The following FBXO30 variants were observed in gnomAD, a reference collection of about 807,000 sequenced individuals.
FBXO30 encodes the protein F-box protein 30.
FBXO30 carries 21 observed loss-of-function variants against 58.1 expected under a neutral mutation model. The ratio of observed to expected loss-of-function variants is 0.36; its 90% CI spans 0.26 to 0.52. FBXO30 has a LOEUF of 0.52. Ranked by LOEUF, FBXO30 falls within the 20% of genes least tolerant of loss-of-function variation. The pLI is 0.93. For synonymous variants in FBXO30, 309 were observed against 312.4 expected (o/e 0.99, Z 0.11); for missense variants, 744 against 897.3 (o/e 0.83, Z 2.18).
Position 145,800,165 on chromosome 6 carries a change from T to A in FBXO30, c.2179A>T (p.Thr727Ser). Residue 727 changes from threonine (T) to serine (S), a missense_variant, in exon 3 of 3, where the codon ACA becomes TCA. Physicochemically the swap from Thr to Ser is moderately conservative, Grantham distance 58 (BLOSUM62 1). Coordinates refer to ENST00000237281, the MANE Select transcript of FBXO30 (RefSeq NM_032145.5). ...EAIPLPCMCV[T>S]RELTKEGRSL... is the part of the protein sequence containing the mutation. ...CGTCCTTCTTTAGTGAGTTCTCGTG[T>A]CACACACATACATGGCAAAGGGATT... 2 of 1,613,120 alleles carry A rather than the reference T, an allele frequency of 1.2e-6. No individual in the cohort carries two copies. The highest frequency in any genetic ancestry group is 1.7e-4 in the Middle Eastern group (1 of 6,048).
At position 145,806,139 on chromosome 6, in the gene FBXO30, G is replaced by A. The variant is rs764982619; in HGVS notation, c.267C>T (p.Cys89=). Reference sequence around the variant, plus strand: ...GCCATCGATTCCATTCCATAGTACAGCACACCACACTTGCAGGACACATTT... The same window carrying A: ...GCCATCGATTCCATTCCATAGTACAACACACCACACTTGCAGGACACATTT... ...HLEMCPASVV[C]CTMEWNRWPV... is the part of the protein sequence containing the mutation. The change falls in exon 2 of 3, where the codon TGC becomes TGT. Residue 89 remains cysteine, a synonymous_variant. Transcript: ENST00000237281. The A allele has an allele frequency of 1.9e-6, 3 of 1,614,038 alleles. No individual in the cohort carries two copies. The highest frequency in any genetic ancestry group is 1.1e-5 in the South Asian group (1 of 91,080).
chr6:145,809,871 A>G (rs1778286549), intron 1 of FBXO30: 1 of 152,226 alleles, frequency 6.6e-6, no homozygotes, highest in Non-Finnish European at 1.5e-5. Flanking sequence ...TCCACGTCTG[A>G]TCAACATCCA....
chr6:145,805,971 T>C lies in FBXO30; in HGVS notation c.435A>G (p.Ala145=), dbSNP rs750034793. 6.2e-7 allele frequency: 1 copy of C among 1,614,126 alleles called. No homozygotes were observed. The highest frequency in any genetic ancestry group is 1.7e-5 in the Admixed American group (1 of 59,992). The change falls in exon 2 of 3, where the codon GCA becomes GCG. Residue 145 remains alanine, a synonymous_variant. Transcript: ENST00000237281. Reference sequence around the variant, plus strand: ...CTCTAGGTTTGGATACTTTATCAGTTGCTTTTGACATCATGGTGGCTACTT... The same window carrying C: ...CTCTAGGTTTGGATACTTTATCAGTCGCTTTTGACATCATGGTGGCTACTT... ...SLKVATMMSK[A]TDKVSKPREQ...
intron 2 of FBXO30, among the ~76,000 whole-genome samples, chr6:145,803,406 G>A (rs532009187): frequency 1.3e-5 from 2 of 152,134 alleles, no homozygotes; most frequent in Admixed American, 1.3e-4. Context: ...CCAAGTGGAT[G>A]TAGTATTCTG....
At chr6:145,803,648 G>C (rs528007181) in intron 2 of FBXO30, among the ~76,000 whole-genome samples, 1 of 152,224 alleles carries the variant, frequency 6.6e-6, no homozygotes, top group South Asian at 2.1e-4. Flanking sequence ...CAAAAGTAGG[G>C]TATCACAGAA....
In FBXO30 at chr6:145,805,454, C is replaced by T. The variant is rs746810191; in HGVS notation, c.952G>A (p.Val318Met). Residue 318 changes from valine to methionine, a missense_variant, in exon 2 of 3, where the codon GTG becomes ATG. Around this residue, in one of 3 missense-constraint regions of FBXO30, gnomAD observed 275 missense variants for 262.0 expected, o/e 1.05. Transcript: ENST00000237281. ...KQSNLTNGDC[V>M]ASSDGTSKPS... Reference sequence around the variant, plus strand: ...TTTGAAGTGCCATCTGATGATGCCACACAGTCTCCATTTGTTAAGTTACTT... The same window carrying T: ...TTTGAAGTGCCATCTGATGATGCCATACAGTCTCCATTTGTTAAGTTACTT... 4.3e-6 allele frequency: 7 copies of T among 1,612,316 alleles called. No homozygotes were observed. In the East Asian group the frequency reaches 1.1e-4, roughly 26 times the overall value.
At chr6:145,801,195 G>T (rs1777986343) in intron 2 of FBXO30, among the ~76,000 whole-genome samples, 1 of 152,242 alleles carries the variant, frequency 6.6e-6, no homozygotes, top group African/African-American at 2.4e-5. Flanking sequence ...GAATGGGGTA[G>T]GACAGGCCTA....
rs760204978 is a variant in FBXO30 at position 145,806,382 on chromosome 6, G to A, written c.24C>T (p.Ser8=). The A allele has an allele frequency of 6.2e-7, 1 of 1,613,636 alleles. No homozygotes were observed. Among genetic ancestry groups the A allele is most frequent in the African/African-American group, 1.3e-5 (1 of 75,012 alleles). MEEELQH[S]HCVNCVSRRC... ...GTCTACTGACACAATTCACACAATG[G>A]GAATGCTGCAGCTCCTCCTCCATAA... The change falls in exon 2 of 3, where the codon TCC becomes TCT. Residue 8 remains serine (S), a synonymous_variant. Coordinates refer to ENST00000237281, the MANE Select transcript of FBXO30 (RefSeq NM_032145.5).
intron 2 of FBXO30, 116 bp from the exon 3 acceptor site, chr6:145,800,425 C>A: frequency 1.4e-6 from 1 of 730,588 alleles, no homozygotes; most frequent in East Asian, 2.8e-5. Flanking sequence ...TATAAAGTTT[C>A]AAATAGCTAT....
intron 1 of FBXO30, among the ~76,000 whole-genome samples, chr6:145,809,277 A>G (rs2128667639): frequency 6.6e-6 from 1 of 152,352 alleles, no homozygotes; most frequent in East Asian, 1.9e-4. Context: ...CTGAGTGATT[A>G]GACTGTGAAA....
rs182283578 is a variant in FBXO30 at position 145,813,506 on chromosome 6, C to A, written c.-17+1097G>T. The stretch of plus-strand genomic sequence containing the variant: ...TTGAAATCTAACCCTCTGAAAAATC[C>A]TAAAGGTTTATTTTATGCTACTCTT... On this transcript the variant is annotated intron_variant, in intron 1 of 2. Coordinates refer to ENST00000237281, the MANE Select transcript of FBXO30 (RefSeq NM_032145.5). 2.0e-5 allele frequency among the ~76,000 whole-genome samples: 3 copies of A among 152,240 alleles called. No individual in the cohort carries two copies. In the East Asian group the frequency reaches 5.8e-4, roughly 29 times the overall value.
At chr6:145,807,433 G>C (rs983391136) in intron 1 of FBXO30, among the ~76,000 whole-genome samples, 2 of 152,176 alleles carry the variant, frequency 1.3e-5, no homozygotes, top group African/African-American at 4.8e-5. Context: ...GCATGAATTA[G>C]CAAAACCTCA....
chr6:145,810,603 C>G (rs542917777), intron 1 of FBXO30, among the ~76,000 whole-genome samples: 2 of 152,258 alleles, frequency 1.3e-5, no homozygotes, highest in African/African-American at 4.8e-5. Context: ...AAGTTCTTTG[C>G]CAACTCATAC....
At position 145,806,702 on chromosome 6, in the gene FBXO30, T is replaced by A. The variant is rs541158175; in HGVS notation, c.-16-281A>T. ...GCCTAAAAGGGCAAAAGTTTCAAAA[T>A]ATACTATTTAAATTCTAATACTGTG... On this transcript the variant is annotated intron_variant, in intron 1 of 2. Transcript: ENST00000237281. Among the ~76,000 whole-genome samples the A allele has an allele frequency of 5.3e-5, 8 of 152,304 alleles. No homozygotes were observed. The East Asian group carries it at 1.5e-3, about 29-fold the overall frequency.
Position 145,794,828 on chromosome 6 carries a change from A to G in FBXO30, c.*5278T>C, listed in dbSNP as rs1340146140. 1 of 151,860 alleles carries G rather than the reference A, an allele frequency of 6.6e-6. No individual in the cohort carries two copies. The highest frequency in any genetic ancestry group is 1.5e-5 in the Non-Finnish European group (1 of 67,798). 9.4% of individuals were successfully genotyped at this position (151,860 alleles called of 1,614,324 possible). ...ACGGGTGAGCTGAGAGAGACTTTAA[A>G]ACAAGCATGATAAGTTACTTAAATC... On this transcript the variant is annotated 3_prime_UTR_variant, in exon 3 of 3. Transcript: ENST00000237281.
At chr6:145,802,294 C>G (rs550139534) in intron 2 of FBXO30, among the ~76,000 whole-genome samples, 13 of 152,076 alleles carry the variant, frequency 8.5e-5, no homozygotes, top group African/African-American at 3.1e-4. Flanking sequence ...ATCACAAGAT[C>G]GAGAAACCGG....
At chr6:145,802,541 A>G (rs1778034797) in intron 2 of FBXO30, among the ~76,000 whole-genome samples, 1 of 152,196 alleles carries the variant, frequency 6.6e-6, no homozygotes, top group Non-Finnish European at 1.5e-5. Flanking sequence ...ATAGGAGGAA[A>G]GTGAAAAGAT....
chr6:145,805,064 T>C lies in FBXO30; in HGVS notation c.1342A>G (p.Met448Val). The C allele has an allele frequency of 1.2e-6, 2 of 1,614,062 alleles. No individual in the cohort carries two copies. The highest frequency in any genetic ancestry group is 1.1e-5 in the South Asian group (1 of 91,088). The change falls in exon 2 of 3, where the codon ATG (methionine) becomes GTG (valine). Residue 448 changes from methionine to valine, a missense_variant. This residue lies in a region of FBXO30 where 334 missense variants were observed against 433.7 expected (regional missense o/e 0.77). Coordinates refer to ENST00000237281, the MANE Select transcript of FBXO30 (RefSeq NM_032145.5). Reference sequence around the variant, plus strand: ...ACGTCAATGTGATAAATATCAGCCATGCGGCTATCAGATATACCCCTCCCT... The same window carrying C: ...ACGTCAATGTGATAAATATCAGCCACGCGGCTATCAGATATACCCCTCCCT... ...PGGRGISDSR[M>V]ADIYHIDVGT...
intron 2 of FBXO30, among the ~76,000 whole-genome samples, 160 bp from the exon 3 acceptor site, chr6:145,800,469 AATGT>A (rs1477619127): frequency 6.6e-6 from 1 of 152,164 alleles, no homozygotes; most frequent in Non-Finnish European, 1.5e-5. Context: ...TTTGGACATA[AATGT>A]ATGTCAAATA....
Sources: allele counts gnomAD v4.1 joint callset (sites outside exome capture counted in the v4.1 genomes callset), GRCh38; gene constraint gnomAD v4.1.1; regional missense constraint gnomAD v4.1.1; transcripts MANE v1.5; gene names NCBI Gene and HGNC (gene_info 2026-07-23, HGNC 2026-07-21).